Variants in SYNDIG1 observed in about 807,000 individuals in gnomAD.
SYNDIG1 encodes synapse differentiation inducing 1.
A neutral mutation model predicts 19.4 loss-of-function variants in SYNDIG1; 9 were observed. The observed-to-expected ratio is 0.46, with a 90% CI of 0.28 to 0.81. The LOEUF (loss-of-function observed/expected upper bound fraction) is 0.81, where lower values mean the gene tolerates loss of function less well. Among genes scored for constraint, SYNDIG1 ranks in the 30% least tolerant of loss-of-function variants. SYNDIG1 has a pLI of 0.12. For synonymous variants in SYNDIG1, 141 were observed against 145.9 expected, an observed-to-expected ratio of 0.97 and a Z score of 0.24; for missense variants, 311 against 343.3, an observed-to-expected ratio of 0.91 and a Z score of 0.74.
At chr20:24,572,490 T>C (rs1441104896) in intron 2 of SYNDIG1, among the ~76,000 whole-genome samples, 2 of 152,218 alleles carry the variant, frequency 1.3e-5, no homozygotes, top group East Asian at 3.9e-4. Context: ...CTGGTGACTT[T>C]GGCCACTGCC....
intron 1 of SYNDIG1, among the ~76,000 whole-genome samples, chr20:24,517,343 T>C (rs1408422665): frequency 6.7e-6 from 1 of 149,968 alleles, no homozygotes; most frequent in Non-Finnish European, 1.5e-5. Context: ...ATGCCGGGTG[T>C]GGTGGCTCAC....
intron 1 of SYNDIG1, among the ~76,000 whole-genome samples, chr20:24,521,778 T>C (rs529337755): frequency 1.5e-4 from 22 of 151,578 alleles, no homozygotes; most frequent in African/African-American, 5.1e-4. Flanking sequence ...TGCATGGTTG[T>C]AATCCCAGCT....
In SYNDIG1 at chr20:24,658,616, C is replaced by T. The variant is rs2059553297; in HGVS notation, c.619-6730C>T. Among the ~76,000 whole-genome samples the T allele has an allele frequency of 6.6e-6, 1 of 151,924 alleles. No homozygotes were observed. Among genetic ancestry groups the T allele is most frequent in the South Asian group, 2.1e-4 (1 of 4,792 alleles). On this transcript the variant is annotated intron_variant, in intron 3 of 3. Coordinates refer to ENST00000376862, the MANE Select transcript of SYNDIG1 (RefSeq NM_024893.3). This position sits in a 1 kb window ranked among gnomAD's most constrained non-coding sequence, Gnocchi z 4.4. Reference sequence around the variant, plus strand: ...AACCGTGTGGAGTATGACCCCCCACCCCCACCCCCCGGCGATTCACTGAAT... The same window carrying T: ...AACCGTGTGGAGTATGACCCCCCACTCCCACCCCCCGGCGATTCACTGAAT...
intron 3 of SYNDIG1, among the ~76,000 whole-genome samples, chr20:24,642,058 C>A (rs891350877): frequency 3.3e-5 from 5 of 152,196 alleles, no homozygotes; most frequent in African/African-American, 1.2e-4. Flanking sequence ...ATAATAGATT[C>A]CTTCAAGATT....
intron 1 of SYNDIG1, among the ~76,000 whole-genome samples, chr20:24,476,064 T>C (rs2055615848): frequency 6.6e-6 from 1 of 151,670 alleles, no homozygotes; most frequent in African/African-American, 2.4e-5. Context: ...TTTCACCCTG[T>C]TGGCCAGGCT....
intron 1 of SYNDIG1, among the ~76,000 whole-genome samples, chr20:24,538,773 G>GC (rs1555794047): frequency 6.7e-6 from 1 of 148,586 alleles, no homozygotes; most frequent in Admixed American, 6.7e-5. Context: ...GTTATTTTCC[G>GC]TTTTTTTTTT....
At chr20:24,542,184 GAAAA>G (rs11474978) in intron 1 of SYNDIG1, among the ~76,000 whole-genome samples, 6 of 152,120 alleles carry the variant, frequency 3.9e-5, no homozygotes, top group African/African-American at 1.2e-4. Context: ...ACTTCAATAA[GAAAA>G]AAAAGTTGTT....
chr20:24,471,268 C>T (rs956585767), intron 1 of SYNDIG1, among the ~76,000 whole-genome samples: 1 of 152,180 alleles, frequency 6.6e-6, no homozygotes, highest in South Asian at 2.1e-4. Context: ...ATCCTGGCAG[C>T]AGCCGAAGTG....
intron 3 of SYNDIG1, among the ~76,000 whole-genome samples, chr20:24,615,251 G>C (rs2058912500): frequency 6.6e-6 from 1 of 152,198 alleles, no homozygotes; most frequent in South Asian, 2.1e-4. Context: ...CATGTGAAAT[G>C]AAATGGGCCC....
At chr20:24,502,165 C>T (rs992865451) in intron 1 of SYNDIG1, 1 of 152,466 alleles carries the variant, frequency 6.6e-6, no homozygotes, top group Non-Finnish European at 1.5e-5. Flanking sequence ...TTTCTGTTCC[C>T]TACCTTTCTT....
intron 2 of SYNDIG1, among the ~76,000 whole-genome samples, chr20:24,576,663 A>G (rs1468380098): frequency 6.6e-6 from 1 of 152,128 alleles, no homozygotes; most frequent in Non-Finnish European, 1.5e-5. Flanking sequence ...CCCATGTGCT[A>G]AATAGTAATG....
At chr20:24,619,645 TTTATAA>T (rs1412789795) in intron 3 of SYNDIG1, among the ~76,000 whole-genome samples, 6 of 152,242 alleles carry the variant, frequency 3.9e-5, no homozygotes, top group African/African-American at 1.4e-4. Flanking sequence ...ATTTTTAATG[TTTATAA>T]TTAAGATAAA....
At chr20:24,535,423 C>T (rs1177538230) in intron 1 of SYNDIG1, among the ~76,000 whole-genome samples, 1 of 152,214 alleles carries the variant, frequency 6.6e-6, no homozygotes, top group East Asian at 1.9e-4. Flanking sequence ...AGAAAAGCTA[C>T]TAGCGTTCAA....
At chr20:24,585,686 A>G (rs1442205088) in intron 3 of SYNDIG1, among the ~76,000 whole-genome samples, 1 of 152,248 alleles carries the variant, frequency 6.6e-6, no homozygotes, top group East Asian at 1.9e-4. Flanking sequence ...GAAATCAGCT[A>G]TATTCACATT....
At chr20:24,654,186 G>A (rs948221411) in intron 3 of SYNDIG1, among the ~76,000 whole-genome samples, 1 of 152,024 alleles carries the variant, frequency 6.6e-6, no homozygotes, top group Admixed American at 6.6e-5. Context: ...TGATTGGCCT[G>A]TTGGTGATCT....
intron 1 of SYNDIG1, among the ~76,000 whole-genome samples, chr20:24,503,608 G>A (rs147935059): frequency 1.3e-3 from 194 of 144,256 alleles, no homozygotes; most frequent in Non-Finnish European, 2.3e-3. Flanking sequence ...GCCCCCCAGC[G>A]CTCCAGTCCC....
At chr20:24,579,695 G>C (rs2058290830) in intron 2 of SYNDIG1, among the ~76,000 whole-genome samples, 1 of 152,170 alleles carries the variant, frequency 6.6e-6, no homozygotes, top group Non-Finnish European at 1.5e-5. Context: ...CTCCACGTTG[G>C]CCAGTGGCTG....
chr20:24,648,593 A>T (rs1366487016), intron 3 of SYNDIG1, among the ~76,000 whole-genome samples: 1 of 152,208 alleles, frequency 6.6e-6, no homozygotes. Flanking sequence ...GAAAGCAGGG[A>T]GGTTCCCCAG....
chr20:24,601,462 G>C (rs2058678955), intron 3 of SYNDIG1, among the ~76,000 whole-genome samples: 1 of 152,114 alleles, frequency 6.6e-6, no homozygotes, highest in Non-Finnish European at 1.5e-5. Context: ...TTAAATTAGT[G>C]ATTTCCTTTC....
Sources: allele counts gnomAD v4.1 joint callset (sites outside exome capture counted in the v4.1 genomes callset), GRCh38; gene constraint gnomAD v4.1.1; non-coding constraint Gnocchi (gnomAD v3.1); transcripts MANE v1.5; gene names NCBI Gene and HGNC (gene_info 2026-07-23, HGNC 2026-07-21).